The following NHEJ1 variants were observed in gnomAD, a reference collection of about 807,000 sequenced individuals.
NHEJ1 encodes non-homologous end-joining factor 1.
Under a neutral mutation model 39.4 loss-of-function variants are expected in NHEJ1, and 22 were observed. The observed-to-expected ratio is 0.56, with a 90% CI of 0.40 to 0.80. The LOEUF is 0.80. NHEJ1 is among the 30% of genes least tolerant of loss of function. NHEJ1 has a pLI of 0.00. For missense variants in NHEJ1, 329 were observed against 357.1 expected (o/e 0.92, Z 0.63); for synonymous variants, 154 against 135.6 (o/e 1.14, Z -0.94).
At chr2:219,077,429 CA>C in intron 6 of NHEJ1, 65 bp from the exon 7 acceptor site, 1 of 1,239,122 alleles carries the variant, frequency 8.1e-7, no homozygotes, top group South Asian at 1.2e-5. Context: ...AAGATATTAG[CA>C]TTCACCAAGC....
intron 3 of NHEJ1, among the ~76,000 whole-genome samples, chr2:219,154,932 TAAC>T (rs1240427802): frequency 6.8e-6 from 1 of 147,496 alleles, no homozygotes; most frequent in Non-Finnish European, 1.5e-5. Flanking sequence ...TAGATTAATA[TAAC>T]ATATAATATA....
At chr2:219,159,958 C>CA (rs2106372011) in intron 1 of NHEJ1, among the ~76,000 whole-genome samples, 2 of 152,164 alleles carry the variant, frequency 1.3e-5, no homozygotes, top group East Asian at 3.9e-4. Context: ...AAAATGTGGC[C>CA]AGGAGTAACG....
chr2:219,104,578 T>C (rs1949297032), intron 5 of NHEJ1, among the ~76,000 whole-genome samples: 1 of 152,004 alleles, frequency 6.6e-6, no homozygotes, highest in Non-Finnish European at 1.5e-5. Flanking sequence ...GATGCCTACA[T>C]AATAAACGAA....
rs889653412 is a variant in NHEJ1, at chr2:219,071,880, T to C, written c.*4501A>G. Among the ~76,000 whole-genome samples the C allele has an allele frequency of 6.6e-6, 1 of 152,004 alleles. No homozygotes were observed. Among genetic ancestry groups the C allele is most frequent in the African/African-American group, 2.4e-5 (1 of 41,352 alleles). ...TTGGGCTCCAAATAGAGAAACTGAG[T>C]GGGGTGGGACTTAATAGCTCAGAAG... On this transcript the variant is annotated 3_prime_UTR_variant, in exon 8 of 8. Transcript: ENST00000356853.
intron 5 of NHEJ1, among the ~76,000 whole-genome samples, chr2:219,088,222 G>A (rs1358265510): frequency 2.0e-5 from 3 of 152,160 alleles, no homozygotes; most frequent in Non-Finnish European, 4.4e-5. Context: ...CCACTTCTAT[G>A]TATTTCCCCA....
chr2:219,085,580 T>A (rs1295239533), intron 5 of NHEJ1, among the ~76,000 whole-genome samples: 1 of 152,200 alleles, frequency 6.6e-6, no homozygotes, highest in East Asian at 1.9e-4. Context: ...GCTGCCGACC[T>A]CGCCATGCTC....
At chr2:219,087,302 C>G (rs1407686557) in intron 5 of NHEJ1, among the ~76,000 whole-genome samples, 1 of 151,964 alleles carries the variant, frequency 6.6e-6, no homozygotes, top group Admixed American at 6.6e-5. Flanking sequence ...AAAATCACAG[C>G]TATAAGGCAG....
rs553317984 is a variant in NHEJ1, at chr2:219,136,200, C to G, written c.588+10480G>C. Among the ~76,000 whole-genome samples, 6 of 152,100 alleles carry G rather than the reference C, an allele frequency of 3.9e-5. No homozygotes were observed. The South Asian group carries it at 1.2e-3, about 32-fold the overall frequency. On this transcript the variant is annotated intron_variant, in intron 5 of 7. Coordinates refer to ENST00000356853, the MANE Select transcript of NHEJ1 (RefSeq NM_024782.3). Reference sequence around the variant, plus strand: ...ATTGGGATTCTTAGAATCAGAAACCCAAAATGGATAATTTTTACCCCCTTT... The same window carrying G: ...ATTGGGATTCTTAGAATCAGAAACCGAAAATGGATAATTTTTACCCCCTTT...
intron 5 of NHEJ1, among the ~76,000 whole-genome samples, chr2:219,100,664 G>C (rs1015233150): frequency 1.7e-4 from 25 of 150,352 alleles, no homozygotes; most frequent in African/African-American, 6.1e-4. Context: ...CAGAGAATCT[G>C]ATCTAGTGCT....
At chr2:219,128,731 A>G (rs1011810523) in intron 5 of NHEJ1, among the ~76,000 whole-genome samples, 1 of 152,132 alleles carries the variant, frequency 6.6e-6, no homozygotes, top group African/African-American at 2.4e-5. Flanking sequence ...CTGACACACA[A>G]ATAGGAGAGT....
In NHEJ1 at chr2:219,074,764, G is replaced by A. The variant is rs1948996834; in HGVS notation, c.*1617C>T. Among the ~76,000 whole-genome samples, 1 of 151,236 alleles carries A rather than the reference G, an allele frequency of 6.6e-6. No homozygotes were observed. The highest frequency in any genetic ancestry group is 2.1e-4 in the South Asian group (1 of 4,774). On this transcript the variant is annotated 3_prime_UTR_variant, in exon 8 of 8. Coordinates refer to ENST00000356853, the MANE Select transcript of NHEJ1 (RefSeq NM_024782.3). ...TTAAAAAAAAAAAAAAGTAACAAAA[G>A]AGCAAAGTAAGCCAGCTGATAGGCT...
intron 5 of NHEJ1, among the ~76,000 whole-genome samples, chr2:219,093,759 G>A (rs1949182245): frequency 6.6e-6 from 1 of 152,210 alleles, no homozygotes; most frequent in Non-Finnish European, 1.5e-5. Context: ...ATGTTCTATT[G>A]TGTGTATTAA....
chr2:219,154,797 TC>T (rs1429659648), intron 3 of NHEJ1, among the ~76,000 whole-genome samples: 2 of 150,908 alleles, frequency 1.3e-5, no homozygotes, highest in Non-Finnish European at 3.0e-5. Context: ...TTAATGTAGT[TC>T]CCCAATTAGA....
chr2:219,122,066 C>G (rs1949476496), intron 5 of NHEJ1, among the ~76,000 whole-genome samples: 1 of 152,116 alleles, frequency 6.6e-6, no homozygotes, highest in African/African-American at 2.4e-5. Flanking sequence ...TAGAAGACCA[C>G]TTTATAAGCA....
intron 5 of NHEJ1, among the ~76,000 whole-genome samples, chr2:219,082,149 C>G (rs1013791325): frequency 1.3e-5 from 2 of 152,210 alleles, no homozygotes; most frequent in Non-Finnish European, 2.9e-5. Context: ...CTTAGTACTT[C>G]CTCATTACTT....
intron 5 of NHEJ1, among the ~76,000 whole-genome samples, chr2:219,097,426 A>G (rs186264180): frequency 4.6e-5 from 7 of 152,312 alleles, no homozygotes; most frequent in Admixed American, 4.6e-4. Context: ...GGGGTATGAG[A>G]GAAAGACAAG....
intron 5 of NHEJ1, among the ~76,000 whole-genome samples, chr2:219,126,686 T>A (rs905839135): frequency 2.0e-5 from 3 of 151,972 alleles, no homozygotes; most frequent in Non-Finnish European, 4.4e-5. Flanking sequence ...AAACCAGTAA[T>A]TATAGTACAG....
intron 5 of NHEJ1, among the ~76,000 whole-genome samples, chr2:219,140,936 C>G (rs1050511067): frequency 2.6e-5 from 4 of 152,074 alleles, no homozygotes; most frequent in African/African-American, 4.8e-5. Flanking sequence ...TGTAGGAAAC[C>G]GGGAGCCACT....
chr2:219,086,974 C>T (rs544245918), intron 5 of NHEJ1, among the ~76,000 whole-genome samples: 1 of 152,198 alleles, frequency 6.6e-6, no homozygotes, highest in Admixed American at 6.5e-5. Flanking sequence ...TGGAGGGCAA[C>T]TAACGAGCAG....
Sources: gnomAD v4.1 joint callset for allele counts (sites outside exome capture counted in the v4.1 genomes callset) on GRCh38, gnomAD v4.1.1 for gene constraint, MANE v1.5 for transcripts, NCBI Gene and HGNC (gene_info 2026-07-23, HGNC 2026-07-21) for gene names.